KPNA1: variants seen among roughly 807,000 people sequenced by gnomAD.
The protein encoded by KPNA1 is importin subunit alpha-5.
In KPNA1, 10 loss-of-function variants were observed where a neutral mutation model predicts 70.5. That is an observed-to-expected ratio of 0.14 (90% CI 0.09 to 0.24). KPNA1 has a LOEUF of 0.24. Ranked by LOEUF, KPNA1 falls within the 10% of genes least tolerant of loss-of-function variation. The probability of loss-of-function intolerance (pLI) is 1.00; values close to 1 mark genes in which losing one functional copy is unlikely to be tolerated. For synonymous variants in KPNA1, 192 were observed against 221.9 expected, an observed-to-expected ratio of 0.87 and a Z score of 1.20; for missense variants, 397 against 637.9, an observed-to-expected ratio of 0.62 and a Z score of 4.07.
intron 10 of KPNA1, among the ~76,000 whole-genome samples, chr3:122,438,910 CG>C (rs1401172236): frequency 6.6e-6 from 1 of 151,838 alleles, no homozygotes; most frequent in African/African-American, 2.4e-5. Flanking sequence ...TGTCAAAAAT[CG>C]TAACAGATTT....
chr3:122,432,024 G>A (rs547768080), intron 12 of KPNA1, among the ~76,000 whole-genome samples: 12 of 152,184 alleles, frequency 7.9e-5, no homozygotes, highest in Non-Finnish European at 1.5e-4. Flanking sequence ...GGCTGGTCTC[G>A]AACTCCTGAC....
chr3:122,474,838 G>T (rs1172029143), intron 2 of KPNA1, among the ~76,000 whole-genome samples: 1 of 151,950 alleles, frequency 6.6e-6, no homozygotes, highest in Non-Finnish European at 1.5e-5. Flanking sequence ...AACAAATTAG[G>T]TATAGAAAGA....
intron 11 of KPNA1, 62 bp from the exon 12 acceptor site, chr3:122,433,850 CTAATTA>C (rs2075948345): frequency 2.3e-6 from 3 of 1,302,734 alleles, no homozygotes; most frequent in Non-Finnish European, 3.2e-6. Flanking sequence ...ATTCATGATA[CTAATTA>C]TAATTTCTAA....
chr3:122,474,478 G>A (rs1249930554), intron 2 of KPNA1, among the ~76,000 whole-genome samples: 1 of 152,130 alleles, frequency 6.6e-6, no homozygotes, highest in Non-Finnish European at 1.5e-5. Context: ...CAAAAGACTA[G>A]ACAAACAGAT....
At chr3:122,443,056 A>T (rs1171486947) in intron 9 of KPNA1, 1 of 152,404 alleles carries the variant, frequency 6.6e-6, no homozygotes, top group African/African-American at 2.4e-5. Flanking sequence ...TAGCCAAGGG[A>T]AGCTGTGACA....
intron 5 of KPNA1, among the ~76,000 whole-genome samples, chr3:122,455,273 G>C (rs1471962222): frequency 6.6e-6 from 1 of 152,200 alleles, no homozygotes; most frequent in Non-Finnish European, 1.5e-5. Flanking sequence ...ATAACCAATG[G>C]ATGTTCCAAA....
chr3:122,452,507 A>T (rs2076213385), intron 6 of KPNA1, among the ~76,000 whole-genome samples: 1 of 61,672 alleles, frequency 1.6e-5, no homozygotes, highest in Non-Finnish European at 3.0e-5. Flanking sequence ...AGACGGAAGG[A>T]GGGAAGGAGG....
At chr3:122,491,016 T>C (rs1343256848) in intron 2 of KPNA1, among the ~76,000 whole-genome samples, 1 of 152,234 alleles carries the variant, frequency 6.6e-6, no homozygotes, top group Admixed American at 6.5e-5. Flanking sequence ...GTCCTTAAGA[T>C]ATAAACTAGC....
At chr3:122,481,373 T>C (rs1216419786) in intron 2 of KPNA1, among the ~76,000 whole-genome samples, 1 of 152,242 alleles carries the variant, frequency 6.6e-6, no homozygotes, top group East Asian at 1.9e-4. Context: ...TGTTACAACA[T>C]GGATCAATCT....
chr3:122,497,556 G>A (rs1307650650), intron 1 of KPNA1, among the ~76,000 whole-genome samples: 1 of 152,194 alleles, frequency 6.6e-6, no homozygotes, highest in African/African-American at 2.4e-5. Context: ...TATGAGGCTT[G>A]CAGTATCTCC....
intron 12 of KPNA1, among the ~76,000 whole-genome samples, chr3:122,432,275 T>C (rs1180056503): frequency 6.6e-6 from 1 of 152,154 alleles, no homozygotes. Flanking sequence ...ATTTTGGAGG[T>C]TGGAAAAAAC....
intron 2 of KPNA1, among the ~76,000 whole-genome samples, chr3:122,476,560 A>T (rs754973609): frequency 1.3e-5 from 2 of 152,160 alleles, no homozygotes; most frequent in African/African-American, 4.8e-5. Context: ...GGAACTCAAA[A>T]ATAACTCAAT....
At chr3:122,501,727 T>A (rs1286472354) in intron 1 of KPNA1, among the ~76,000 whole-genome samples, 1 of 152,228 alleles carries the variant, frequency 6.6e-6, no homozygotes, top group Admixed American at 6.5e-5. Flanking sequence ...GTGTGGTCTA[T>A]ACATGTCAGT....
At position 122,510,893 on chromosome 3, in the gene KPNA1, C is replaced by T. The variant is rs1389190586; in HGVS notation, c.-6+3864G>A. Among the ~76,000 whole-genome samples the T allele has an allele frequency of 5.9e-5, 9 of 152,078 alleles. No individual in the cohort carries two copies. The South Asian group carries it at 1.5e-3, about 25-fold the overall frequency. On this transcript the variant is annotated intron_variant, in intron 1 of 13. Transcript: ENST00000344337. ...AAAACAAGGAACTTGAACAATCTCACGACGGTTATATTAGATCTTCAGTAT... is the reference window on the plus strand; with the variant it reads ...AAAACAAGGAACTTGAACAATCTCATGACGGTTATATTAGATCTTCAGTAT...
intron 12 of KPNA1, chr3:122,433,164 C>T (rs2075935571): frequency 6.6e-6 from 1 of 152,382 alleles, no homozygotes; most frequent in African/African-American, 2.4e-5. Context: ...TACCATAGTA[C>T]TTTAGAAGAT....
At chr3:122,444,659 C>T (rs2076112288) in intron 9 of KPNA1, among the ~76,000 whole-genome samples, 1 of 152,144 alleles carries the variant, frequency 6.6e-6, no homozygotes, top group African/African-American at 2.4e-5. Flanking sequence ...CAGGCGGGTG[C>T]CCCTCTGGGA....
At chr3:122,496,300 T>C in intron 2 of KPNA1, 137 bp downstream of exon 2, 1 of 585,976 alleles carries the variant, frequency 1.7e-6, no homozygotes, top group South Asian at 2.4e-5. Context: ...AGTGTTGATT[T>C]TACAGGGGAG....
chr3:122,445,737 A>C (rs2076128163), intron 9 of KPNA1, among the ~76,000 whole-genome samples: 1 of 152,188 alleles, frequency 6.6e-6, no homozygotes, highest in Non-Finnish European at 1.5e-5. Context: ...AATTGGATAA[A>C]GAGTCAAGAC....
intron 9 of KPNA1, among the ~76,000 whole-genome samples, chr3:122,448,156 G>T (rs1182365995): frequency 6.6e-6 from 1 of 152,202 alleles, no homozygotes; most frequent in African/African-American, 2.4e-5. Flanking sequence ...TGGTGAGAGT[G>T]TAAATTAGTT....
Sources: gnomAD v4.1 joint callset for allele counts (sites outside exome capture counted in the v4.1 genomes callset) on GRCh38, gnomAD v4.1.1 for gene constraint, MANE v1.5 for transcripts, NCBI Gene and HGNC (gene_info 2026-07-23, HGNC 2026-07-21) for gene names.